The following SIPA1L3 variants were observed in gnomAD, a reference collection of about 807,000 sequenced individuals.
SIPA1L3 encodes signal induced proliferation associated 1 like 3.
In SIPA1L3, 59 loss-of-function variants were observed where a neutral mutation model predicts 150.1. The observed-to-expected ratio is 0.39, with a 90% confidence interval of 0.32 to 0.49. The LOEUF (loss-of-function observed/expected upper bound fraction) is 0.49, where lower values mean the gene tolerates loss of function less well. SIPA1L3 is among the 20% of genes least tolerant of loss of function. The pLI, the probability that SIPA1L3 is intolerant of heterozygous loss-of-function variation, is 0.86. For missense variants in SIPA1L3, 2,211 were observed against 2,489.5 expected (o/e 0.89, Z 2.38); for synonymous variants, 1,070 against 1,077.6 (o/e 0.99, Z 0.14).
At position 37,930,505 on chromosome 19, in the gene SIPA1L3, CA is replaced by C. The variant is rs749971535; in HGVS notation, c.-379+23155del. 1.2e-4 allele frequency among the ~76,000 whole-genome samples: 18 copies of C among 151,914 alleles called. No homozygotes were observed. In the East Asian group the frequency reaches 3.3e-3, roughly 28 times the overall value. On this transcript the variant is annotated intron_variant, in intron 1 of 21. Coordinates refer to ENST00000222345, the MANE Select transcript of SIPA1L3 (RefSeq NM_015073.3). The stretch of plus-strand genomic sequence containing the variant: ...ATTTTATAATCCTGCACCCCCTTAC[CA>C]AAAAAAATCTATGAAGAGTGACCAT...
chr19:38,141,142 G>A (rs1971571066), intron 10 of SIPA1L3, 42 bp from the exon 11 acceptor site: 1 of 1,524,950 alleles, frequency 6.6e-7, no homozygotes, highest in Non-Finnish European at 8.8e-7. Context: ...CCACGTGTTG[G>A]TGGGCTGGGG....
chr19:38,130,391 T>C (rs1217686294), intron 9 of SIPA1L3, 107 bp from the exon 10 acceptor site: 7 of 1,151,324 alleles, frequency 6.1e-6, no homozygotes, highest in Admixed American at 2.1e-5. Context: ...TATTAATAGA[T>C]GGGAGTTGGC....
At chr19:38,090,005 C>T (rs1239945917) in intron 4 of SIPA1L3, among the ~76,000 whole-genome samples, 1 of 152,100 alleles carries the variant, frequency 6.6e-6, no homozygotes, top group South Asian at 2.1e-4. Flanking sequence ...ATGGGCTGCT[C>T]AAATCTACTT....
chr19:37,984,379 A>G (rs907854302), intron 1 of SIPA1L3, among the ~76,000 whole-genome samples: 1 of 152,156 alleles, frequency 6.6e-6, no homozygotes, highest in Admixed American at 6.5e-5. Context: ...TGGGGAGGCA[A>G]TATTAGAACT....
chr19:38,101,447 G>A (rs1207890923), intron 6 of SIPA1L3, among the ~76,000 whole-genome samples: 2 of 151,948 alleles, frequency 1.3e-5, no homozygotes, highest in Non-Finnish European at 1.5e-5. Flanking sequence ...CTCACTCTGT[G>A]GCCCAGGCTG....
At chr19:38,195,900 C>T (rs1568605435) in intron 18 of SIPA1L3, among the ~76,000 whole-genome samples, 2 of 151,290 alleles carry the variant, frequency 1.3e-5, no homozygotes, top group Non-Finnish European at 2.9e-5. Flanking sequence ...TGTCTGTCTC[C>T]ACCACCATAC....
chr19:38,056,930 A>C (rs1969330210), intron 2 of SIPA1L3, among the ~76,000 whole-genome samples: 1 of 152,008 alleles, frequency 6.6e-6, no homozygotes, highest in East Asian at 1.9e-4. Flanking sequence ...ATGGTGGTAC[A>C]CACCTGTATT....
In SIPA1L3 at chr19:38,192,331, C is replaced by G. The variant is rs778939624; in HGVS notation, c.4596+21C>G. ...CGGGAGTACGTAGGGCCCTGTCCCC[C>G]GCTCCCGACCCCCAGCTCCCAAGGG... On this transcript the variant is annotated intron_variant, in intron 17 of 21. Transcript: ENST00000222345. The G allele has an allele frequency of 8.3e-6, 13 of 1,562,258 alleles. No individual in the cohort carries two copies. In the Admixed American group the frequency reaches 1.9e-4, roughly 23 times the overall value.
chr19:37,959,141 A>G (rs993218415), intron 1 of SIPA1L3, among the ~76,000 whole-genome samples: 3 of 152,250 alleles, frequency 2.0e-5, no homozygotes, highest in Non-Finnish European at 2.9e-5. Context: ...AAATATATAC[A>G]TAGAGTTACC....
At position 38,047,122 on chromosome 19, in the gene SIPA1L3, G is replaced by C. The variant is rs1012305396; in HGVS notation, c.-311+17966G>C. Among the ~76,000 whole-genome samples the C allele has an allele frequency of 6.6e-6, 1 of 152,256 alleles. No homozygotes were observed. The highest frequency in any genetic ancestry group is 2.4e-5 in the African/African-American group (1 of 41,528). ...GGCACGGATAAGTTGGGTTGTTTGC[G>C]TGAGCCACACAGGTAGGAAGTGGCA... On this transcript the variant is annotated intron_variant, in intron 2 of 21. Transcript: ENST00000222345. The surrounding 1 kb of genome is among the most constrained non-coding windows in gnomAD (Gnocchi z 4.7).
chr19:37,915,355 G>A (rs2046406693), intron 1 of SIPA1L3, among the ~76,000 whole-genome samples: 1 of 152,014 alleles, frequency 6.6e-6, no homozygotes, highest in African/African-American at 2.4e-5. Flanking sequence ...TTGGGACTTG[G>A]CTGGAAAAGG....
intron 3 of SIPA1L3, 95 bp downstream of exon 3, chr19:38,083,194 TCTGGCA>T: frequency 8.0e-7 from 1 of 1,245,856 alleles, no homozygotes; most frequent in South Asian, 1.3e-5. Flanking sequence ...CAGGCCCTGC[TCTGGCA>T]CTGAGGATGT....
chr19:37,943,344 G>A (rs892763225), intron 1 of SIPA1L3, among the ~76,000 whole-genome samples: 3 of 152,032 alleles, frequency 2.0e-5, no homozygotes, highest in Non-Finnish European at 2.9e-5. Context: ...CCCACAGTCC[G>A]ACCACGCTCT....
chr19:38,077,669 T>C (rs905079892), intron 2 of SIPA1L3, among the ~76,000 whole-genome samples: 2 of 109,664 alleles, frequency 1.8e-5, no homozygotes, highest in Middle Eastern at 4.0e-3. Flanking sequence ...TTCTTTTTTT[T>C]TTTTTTTTTT....
chr19:38,045,652 T>C (rs1013259328), intron 2 of SIPA1L3, among the ~76,000 whole-genome samples: 3 of 151,922 alleles, frequency 2.0e-5, no homozygotes, highest in African/African-American at 4.8e-5. Flanking sequence ...TATTCCAGGC[T>C]GGGGTGGGCG....
At chr19:38,029,845 C>T (rs1269258202) in intron 2 of SIPA1L3, among the ~76,000 whole-genome samples, 1 of 145,774 alleles carries the variant, frequency 6.9e-6, no homozygotes, top group Admixed American at 7.0e-5. Context: ...GTGAACTGCC[C>T]ACCTCGGCCT....
chr19:38,200,120 T>G (rs553486716), intron 19 of SIPA1L3: 1 of 152,328 alleles, frequency 6.6e-6, no homozygotes, highest in East Asian at 1.9e-4. Flanking sequence ...TCACCCAGGC[T>G]GGAGTTCAGT....
Position 38,083,167 on chromosome 19 carries a change from A to G in SIPA1L3, c.1534+68A>G, listed in dbSNP as rs538331949. The G allele has an allele frequency of 3.8e-5, 54 of 1,403,134 alleles. No homozygotes were observed. The African/African-American group carries it at 5.8e-4, about 15-fold the overall frequency. 86.9% of individuals were successfully genotyped at this position (1,403,134 alleles called of 1,614,324 possible). A position where few individuals can be genotyped will look rare whatever the true frequency, so the allele number is the denominator to read the frequency against. ...CTTGCCTCCGAGACCCCCACTACTCATTCATTCACTCTGTGCCAGGCCCTG... is the reference window on the plus strand; with the variant it reads ...CTTGCCTCCGAGACCCCCACTACTCGTTCATTCACTCTGTGCCAGGCCCTG... On this transcript the variant is annotated intron_variant, in intron 3 of 21. Coordinates refer to ENST00000222345, the MANE Select transcript of SIPA1L3 (RefSeq NM_015073.3).
chr19:38,047,212 G>A lies in SIPA1L3; in HGVS notation c.-311+18056G>A, dbSNP rs982371338. Among the ~76,000 whole-genome samples the A allele has an allele frequency of 2.0e-5, 3 of 152,022 alleles. No individual in the cohort carries two copies. The highest frequency in any genetic ancestry group is 7.3e-5 in the African/African-American group (3 of 41,368). On this transcript the variant is annotated intron_variant, in intron 2 of 21. Coordinates refer to ENST00000222345, the MANE Select transcript of SIPA1L3 (RefSeq NM_015073.3). This position sits in a 1 kb window ranked among gnomAD's most constrained non-coding sequence, Gnocchi z 4.7. ...ACTCTGCTATACTTCCTGCCAGCCT[G>A]TTCTCCCCCGCCGACACACACGCAC...
Sources: gnomAD v4.1 joint callset for allele counts (sites outside exome capture counted in the v4.1 genomes callset) on GRCh38, gnomAD v4.1.1 for gene constraint, Gnocchi (gnomAD v3.1) non-coding constraint, MANE v1.5 for transcripts, NCBI Gene and HGNC (gene_info 2026-07-23, HGNC 2026-07-21) for gene names.